Variants in MDGA1 observed in about 807,000 individuals in gnomAD.
MDGA1 encodes MAM domain containing glycosylphosphatidylinositol anchor 1.
In MDGA1, 54 loss-of-function variants were observed where a neutral mutation model predicts 101.5. The observed-to-expected ratio is 0.53, with a 90% CI of 0.43 to 0.67. The LOEUF is 0.67. Among genes scored for constraint, MDGA1 ranks in the 30% least tolerant of loss-of-function variants. MDGA1 has a pLI of 0.00. For synonymous variants in MDGA1, 533 were observed against 558.3 expected, an observed-to-expected ratio of 0.95 and a Z score of 0.64; for missense variants, 1,083 against 1,323.8, an observed-to-expected ratio of 0.82 and a Z score of 2.82.
rs1030739231 is a variant in MDGA1, at chr6:37,696,800, G to A, written c.12C>T (p.Thr4=). ...GGATCAGCGCCAGAAGTAGAAGGCA[G>A]GTCACCTCCATCTTCACGGCCGGTG... MEV[T]CLLLLALIPF... The change falls in exon 1 of 17, where the codon ACC becomes ACT. Residue 4 remains threonine, a synonymous_variant. Coordinates refer to ENST00000434837, the MANE Select transcript of MDGA1 (RefSeq NM_153487.4). This position sits in a 1 kb window ranked among gnomAD's most constrained non-coding sequence, Gnocchi z 5.6. 29 of 1,578,298 alleles carry A rather than the reference G, an allele frequency of 1.8e-5. No homozygotes were observed. The highest frequency in any genetic ancestry group is 2.3e-5 in the Non-Finnish European group (27 of 1,161,520).
chr6:37,639,648 C>T (rs1224623619), intron 14 of MDGA1: 2 of 152,184 alleles, frequency 1.3e-5, no homozygotes, highest in African/African-American at 4.8e-5. Context: ...CTGGAACATT[C>T]TTCCCTCCCT....
intron 1 of MDGA1, among the ~76,000 whole-genome samples, chr6:37,677,079 A>G (rs566612901): frequency 1.3e-5 from 2 of 152,326 alleles, no homozygotes; most frequent in Admixed American, 1.3e-4. Context: ...TGTAAACTGT[A>G]AAGTTCTGCA....
At chr6:37,694,791 C>T (rs1762383134) in intron 1 of MDGA1, among the ~76,000 whole-genome samples, 1 of 152,172 alleles carries the variant, frequency 6.6e-6, no homozygotes, top group South Asian at 2.1e-4. Flanking sequence ...TGGCATGTCA[C>T]CCAAGGGCCC....
intron 2 of MDGA1, among the ~76,000 whole-genome samples, chr6:37,661,745 C>A (rs1761628601): frequency 6.6e-6 from 1 of 152,000 alleles, no homozygotes; most frequent in Middle Eastern, 3.2e-3. Flanking sequence ...TCGATTCCAT[C>A]CCTAGGAGCT....
At position 37,638,184 on chromosome 6, in the gene MDGA1, C is replaced by G. The variant is rs754075234; in HGVS notation, c.2776+21G>C. On this transcript the variant is annotated intron_variant, in intron 16 of 16. Coordinates refer to ENST00000434837, the MANE Select transcript of MDGA1 (RefSeq NM_153487.4). The surrounding 1 kb of genome is among the most constrained non-coding windows in gnomAD (Gnocchi z 4.8). ...CAGCTCCCTCCAGATTCAGCTCCCC[C>G]ACCTCCTTCCCGTCTTGCACCTTTA... The G allele has an allele frequency of 3.1e-5, 49 of 1,603,458 alleles. No homozygotes were observed. Among genetic ancestry groups the G allele is most frequent in the Non-Finnish European group, 4.1e-5 (48 of 1,170,588 alleles).
At chr6:37,664,809 T>A (rs1187750840) in intron 1 of MDGA1, among the ~76,000 whole-genome samples, 1 of 134,472 alleles carries the variant, frequency 7.4e-6, no homozygotes, top group African/African-American at 2.9e-5. Flanking sequence ...GCCCCAACCA[T>A]CTCAGGCTTT....
At chr6:37,676,839 G>T (rs911672545) in intron 1 of MDGA1, among the ~76,000 whole-genome samples, 8 of 151,458 alleles carry the variant, frequency 5.3e-5, no homozygotes, top group Middle Eastern at 3.4e-3. Flanking sequence ...AGAGGTTGCA[G>T]TGAGCTGAGA....
intron 1 of MDGA1, among the ~76,000 whole-genome samples, chr6:37,681,036 A>C (rs9394450): frequency 0.67 from 102,179 of 151,378 alleles, 34,844 homozygotes; most frequent in East Asian, 0.9. Context: ...CCAGCTGCCA[A>C]CCCGGCTGGC....
rs540212394 is a variant in MDGA1, at chr6:37,696,994, G to A, written c.-183C>T. On this transcript the variant is annotated 5_prime_UTR_variant, in exon 1 of 17. Transcript: ENST00000434837. This position sits in a 1 kb window ranked among gnomAD's most constrained non-coding sequence, Gnocchi z 5.6. ...TGGCGGCGACCCGTGTTTCTCCTCC[G>A]GCGGGGCCGCTGCCCGCGTGGGGAC... The A allele has an allele frequency of 5.6e-5, 32 of 572,978 alleles. 1 individual carries two copies. The Middle Eastern group carries it at 1.4e-3, about 25-fold the overall frequency. 35.5% of individuals were successfully genotyped at this position (572,978 alleles called of 1,614,324 possible).
At position 37,646,301 on chromosome 6, in the gene MDGA1, G is replaced by A. The variant is rs769811319; in HGVS notation, c.2121C>T (p.Ile707=). ...RVEKGQLLEY[I]LTDLRVPHSY... is the part of the protein sequence containing the mutation. Reference sequence around the variant, plus strand: ...TGTGGGGCACACGGAGATCGGTCAGGATGTACTCCAGCAGCTGCCCCTTCT... The same window carrying A: ...TGTGGGGCACACGGAGATCGGTCAGAATGTACTCCAGCAGCTGCCCCTTCT... The change falls in exon 11 of 17, where the codon ATC becomes ATT. Residue 707 remains isoleucine (I), a synonymous_variant. Coordinates refer to ENST00000434837, the MANE Select transcript of MDGA1 (RefSeq NM_153487.4). 24 of 1,599,522 alleles carry A rather than the reference G, an allele frequency of 1.5e-5. No individual in the cohort carries two copies. In the South Asian group the frequency reaches 2.4e-4, roughly 16 times the overall value.
intron 1 of MDGA1, 80 bp from the exon 2 acceptor site, chr6:37,664,186 A>G: frequency 1.9e-6 from 3 of 1,572,954 alleles, no homozygotes; most frequent in Non-Finnish European, 2.6e-6. Context: ...TCCTGAGTGT[A>G]TCTGGGAGGG....
At chr6:37,646,153 C>A in intron 11 of MDGA1, 45 bp downstream of exon 11, 1 of 1,554,740 alleles carries the variant, frequency 6.4e-7, no homozygotes, top group South Asian at 1.2e-5. Context: ...GGGTCCCTGG[C>A]CATGAGATGG....
Position 37,654,559 on chromosome 6 carries a change from G to C in MDGA1, c.713-16C>G, listed in dbSNP as rs774032625. ...GCTGGTGGTGCTAAGAGGACAAGGA[G>C]GGGGGTCTTAGGGGACTGTGAGGCA... On this transcript the variant is annotated splice_polypyrimidine_tract_variant and intron_variant, in intron 5 of 16. Coordinates refer to ENST00000434837, the MANE Select transcript of MDGA1 (RefSeq NM_153487.4). The C allele has an allele frequency of 2.9e-5, 47 of 1,613,842 alleles. No homozygotes were observed. The highest frequency in any genetic ancestry group is 4.0e-5 in the Non-Finnish European group (47 of 1,179,870).
chr6:37,662,931 C>T (rs115886640), intron 2 of MDGA1, among the ~76,000 whole-genome samples: 2,082 of 152,232 alleles, frequency 0.014, 42 homozygotes, highest in African/African-American at 0.046. Context: ...ACACAGACAT[C>T]GACCTACTCC....
At chr6:37,654,649 A>G in intron 5 of MDGA1, 106 bp from the exon 6 acceptor site, 1 of 1,558,438 alleles carries the variant, frequency 6.4e-7, no homozygotes, top group Non-Finnish European at 8.8e-7. Context: ...CCCTCAGGGG[A>G]GATGAGAGGG....
In MDGA1 at chr6:37,697,014, G is replaced by T; in HGVS notation, c.-203C>A. Reference sequence around the variant, plus strand: ...CCTCCGGCGGGGCCGCTGCCCGCGTGGGGACGCAGGGGGCGCTGGCCCAGC... The same window carrying T: ...CCTCCGGCGGGGCCGCTGCCCGCGTTGGGACGCAGGGGGCGCTGGCCCAGC... On this transcript the variant is annotated 5_prime_UTR_variant, in exon 1 of 17. Transcript: ENST00000434837. 1.8e-6 allele frequency: 1 copy of T among 543,522 alleles called. No individual in the cohort carries two copies. The highest frequency in any genetic ancestry group is 2.4e-5 in the South Asian group (1 of 40,936). 33.7% of individuals were successfully genotyped at this position (543,522 alleles called of 1,614,324 possible).
At chr6:37,674,149 C>A (rs1761928906) in intron 1 of MDGA1, among the ~76,000 whole-genome samples, 1 of 152,314 alleles carries the variant, frequency 6.6e-6, no homozygotes, top group African/African-American at 2.4e-5. Flanking sequence ...TGTTCCCCGA[C>A]ACAGGGCCTT....
At chr6:37,653,487 A>G (rs1200411171) in intron 6 of MDGA1, among the ~76,000 whole-genome samples, 1 of 152,188 alleles carries the variant, frequency 6.6e-6, no homozygotes, top group African/African-American at 2.4e-5. Context: ...TTCAAGTGCT[A>G]AAGAGCTGGA....
chr6:37,655,207 TG>T lies in MDGA1; in HGVS notation c.580-276del, dbSNP rs1478155882. On this transcript the variant is annotated intron_variant, in intron 4 of 16. Coordinates refer to ENST00000434837, the MANE Select transcript of MDGA1 (RefSeq NM_153487.4). The surrounding 1 kb of genome is among the most constrained non-coding windows in gnomAD (Gnocchi z 5.1). ...GTACCAGGCCTTGGTTTCTCCAGTC[TG>T]GGAAACGGAGGGGTAAGAAGGGAAC... The T allele has an allele frequency of 7.9e-6, 4 of 505,340 alleles. No homozygotes were observed. In the Admixed American group the frequency reaches 1.1e-4, roughly 14 times the overall value. The allele number at this position is 505,340 out of a possible 1,614,324, so 31.3% of individuals were successfully genotyped here.
Sources: gnomAD v4.1 joint callset for allele counts (sites outside exome capture counted in the v4.1 genomes callset) on GRCh38, gnomAD v4.1.1 for gene constraint, Gnocchi (gnomAD v3.1) non-coding constraint, MANE v1.5 for transcripts, NCBI Gene and HGNC (gene_info 2026-07-23, HGNC 2026-07-21) for gene names.